Variants in MGLL observed in about 807,000 individuals in gnomAD.
MGLL encodes the protein lysophospholipase homolog.
Under a neutral mutation model 29.1 loss-of-function variants are expected in MGLL, and 7 were observed. That is an observed-to-expected ratio of 0.24 (90% confidence interval 0.14 to 0.45). The LOEUF (loss-of-function observed/expected upper bound fraction) is 0.45. Ranked by LOEUF, MGLL falls within the 20% of genes least tolerant of loss-of-function variation. The pLI, the probability that MGLL is intolerant of heterozygous loss-of-function variation, is 0.99. For synonymous variants in MGLL, 148 were observed against 168.3 expected (o/e 0.88, Z 0.93); for missense variants, 356 against 413.6 (o/e 0.86, Z 1.21).
At chr3:127,779,290 C>A (rs2077085420) in intron 3 of MGLL, among the ~76,000 whole-genome samples, 1 of 152,098 alleles carries the variant, frequency 6.6e-6, no homozygotes, top group African/African-American at 2.4e-5. Context: ...TCGCTTGAAC[C>A]CGGGAGGCAG....
In MGLL at chr3:127,749,347, C is replaced by T. The variant is rs1411379850; in HGVS notation, c.263-26781G>A. 5.3e-5 allele frequency among the ~76,000 whole-genome samples: 8 copies of T among 152,292 alleles called. No homozygotes were observed. In the East Asian group the frequency reaches 1.5e-3, roughly 29 times the overall value. ...AGAACTTGGGAAGTGCAGCATCTAG[C>T]CAAGATCTCCAAACAAACACCATTT... On this transcript the variant is annotated intron_variant, in intron 3 of 7. Coordinates refer to ENST00000265052, the MANE Select transcript of MGLL (RefSeq NM_007283.7).
intron 3 of MGLL, among the ~76,000 whole-genome samples, chr3:127,752,827 C>T (rs1455680564): frequency 6.6e-6 from 1 of 152,180 alleles, no homozygotes; most frequent in African/African-American, 2.4e-5. Flanking sequence ...ACCATCTCTT[C>T]CCCGAGCCTG....
chr3:127,712,767 G>A (rs931117923), intron 5 of MGLL: 28 of 152,452 alleles, frequency 1.8e-4, no homozygotes, highest in African/African-American at 6.7e-4. Context: ...GGTCAGGAAT[G>A]TTCAAGAGTC....
chr3:127,771,690 T>C (rs760720288), intron 3 of MGLL, among the ~76,000 whole-genome samples: 2 of 152,150 alleles, frequency 1.3e-5, no homozygotes, highest in African/African-American at 4.8e-5. Flanking sequence ...TCATCTGCCT[T>C]AGGAAGAAGA....
At chr3:127,740,286 A>G (rs560051221) in intron 3 of MGLL, among the ~76,000 whole-genome samples, 7 of 152,122 alleles carry the variant, frequency 4.6e-5, no homozygotes, top group Non-Finnish European at 1.0e-4. Flanking sequence ...GAACCCTGCC[A>G]TCCTCCCCAG....
chr3:127,773,462 TG>T (rs979624280), intron 3 of MGLL, among the ~76,000 whole-genome samples: 5 of 152,362 alleles, frequency 3.3e-5, no homozygotes, highest in African/African-American at 1.2e-4. Context: ...GAGCACATGC[TG>T]GGTGCTCAGT....
rs1328540418 is a variant in MGLL, at chr3:127,694,851, G to T, written c.816+124C>A. The T allele has an allele frequency of 1.5e-5, 13 of 860,742 alleles. No homozygotes were observed. The African/African-American group carries it at 1.8e-4, about 12-fold the overall frequency. 53.3% of individuals were successfully genotyped at this position (860,742 alleles called of 1,614,324 possible). A position where few individuals can be genotyped will look rare whatever the true frequency, so the allele number is the denominator to read the frequency against. The stretch of plus-strand genomic sequence containing the variant: ...ATTTATTTATTTCTCGGTCAAGCAG[G>T]CTGGTCCCTATCCTGAGACCTGGGA... On this transcript the variant is annotated intron_variant, in intron 7 of 7. Coordinates refer to ENST00000265052, the MANE Select transcript of MGLL (RefSeq NM_007283.7).
At chr3:127,705,636 T>C (rs2075585375) in intron 6 of MGLL, among the ~76,000 whole-genome samples, 1 of 151,536 alleles carries the variant, frequency 6.6e-6, no homozygotes, top group Non-Finnish European at 1.5e-5. Flanking sequence ...ATTAGCCTGG[T>C]GTGGTGGCAC....
intron 2 of MGLL, among the ~76,000 whole-genome samples, chr3:127,818,334 TG>T (rs1196380889): frequency 6.6e-6 from 1 of 152,180 alleles, no homozygotes; most frequent in African/African-American, 2.4e-5. Flanking sequence ...TTCTGTTTTT[TG>T]TTATTGTTGT....
chr3:127,739,622 C>A (rs553333419), intron 3 of MGLL, among the ~76,000 whole-genome samples: 2 of 152,250 alleles, frequency 1.3e-5, no homozygotes, highest in African/African-American at 4.8e-5. Flanking sequence ...TTGGCTCATA[C>A]GTGATATCAA....
intron 3 of MGLL, among the ~76,000 whole-genome samples, chr3:127,762,545 A>G (rs1203450416): frequency 4.6e-5 from 7 of 152,082 alleles, no homozygotes; most frequent in Admixed American, 3.9e-4. Flanking sequence ...GGAGAGGTGC[A>G]CAGAACCTGG....
chr3:127,775,012 T>C (rs1576271285), intron 3 of MGLL, among the ~76,000 whole-genome samples: 1 of 152,142 alleles, frequency 6.6e-6, no homozygotes, highest in Non-Finnish European at 1.5e-5. Flanking sequence ...CACAAACTCA[T>C]ATCCGAGACT....
intron 3 of MGLL, among the ~76,000 whole-genome samples, chr3:127,723,912 A>C (rs2075983988): frequency 6.6e-6 from 1 of 152,188 alleles, no homozygotes; most frequent in African/African-American, 2.4e-5. Context: ...AACATGACTA[A>C]GTTAAATGAG....
At chr3:127,750,475 G>A (rs1264693339) in intron 3 of MGLL, among the ~76,000 whole-genome samples, 1 of 152,148 alleles carries the variant, frequency 6.6e-6, no homozygotes, top group Non-Finnish European at 1.5e-5. Flanking sequence ...ACAGAGGGTA[G>A]TGCAAAAACG....
chr3:127,784,923 G>T (rs2077187286), intron 2 of MGLL, among the ~76,000 whole-genome samples: 1 of 152,256 alleles, frequency 6.6e-6, no homozygotes, highest in Admixed American at 6.5e-5. Flanking sequence ...ACAGAACAAA[G>T]GTTGTCTGCC....
intron 2 of MGLL, among the ~76,000 whole-genome samples, chr3:127,808,023 G>C (rs1291663335): frequency 1.3e-5 from 2 of 152,050 alleles, no homozygotes; most frequent in African/African-American, 4.8e-5. Flanking sequence ...GCCTCCCAAA[G>C]TGCTGAGATT....
At chr3:127,733,862 G>T (rs1247088358) in intron 3 of MGLL, among the ~76,000 whole-genome samples, 1 of 152,214 alleles carries the variant, frequency 6.6e-6, no homozygotes, top group East Asian at 1.9e-4. Flanking sequence ...GGATGGAGTG[G>T]CTGGGTGCGC....
chr3:127,720,388 C>A (rs1401412073), intron 5 of MGLL, among the ~76,000 whole-genome samples: 1 of 152,178 alleles, frequency 6.6e-6, no homozygotes, highest in Non-Finnish European at 1.5e-5. Flanking sequence ...ACCTTGTCAA[C>A]AAGCCAGAGT....
At chr3:127,694,560 G>A (rs985983163) in intron 7 of MGLL, among the ~76,000 whole-genome samples, 22 of 151,972 alleles carry the variant, frequency 1.4e-4, no homozygotes, top group African/African-American at 5.1e-4. Context: ...CAGCACCTGT[G>A]TGCCCTGAGC....
Sources: gnomAD v4.1 joint callset for allele counts (sites outside exome capture counted in the v4.1 genomes callset) on GRCh38, gnomAD v4.1.1 for gene constraint, MANE v1.5 for transcripts, NCBI Gene and HGNC (gene_info 2026-07-23, HGNC 2026-07-21) for gene names.